The following CSMD3 variants were observed in gnomAD, a reference collection of about 807,000 sequenced individuals.
The protein encoded by CSMD3 is CUB and sushi domain-containing protein 3.
Under a neutral mutation model 435.2 loss-of-function variants are expected in CSMD3, and 177 were observed. The observed-to-expected ratio is 0.41, with a 90% CI of 0.36 to 0.46. CSMD3 has a LOEUF of 0.46. Ranked by LOEUF, CSMD3 falls within the 20% of genes least tolerant of loss-of-function variation. The pLI, the probability that CSMD3 is intolerant of heterozygous loss-of-function variation, is 0.34. For synonymous variants in CSMD3, 1,656 were observed against 1,520.5 expected, an observed-to-expected ratio of 1.09 and a Z score of -2.07; for missense variants, 4,265 against 4,504.6, an observed-to-expected ratio of 0.95 and a Z score of 1.52.
intron 26 of CSMD3, among the ~76,000 whole-genome samples, chr8:112,551,104 C>T (rs1285728739): frequency 6.6e-6 from 1 of 151,926 alleles, no homozygotes; most frequent in Admixed American, 6.6e-5. Context: ...ATTGTAGAAA[C>T]TTCAGGCATA....
At chr8:112,897,694 CTGTGTG>C (rs375797134) in intron 10 of CSMD3, among the ~76,000 whole-genome samples, 13,822 of 90,362 alleles carry the variant, frequency 0.15, 810 homozygotes, top group Middle Eastern at 0.31. Flanking sequence ...CTCTCTCTCT[CTGTGTG>C]TGTGTGTGTG....
At chr8:112,251,908 T>C (rs1815298825) in intron 63 of CSMD3, among the ~76,000 whole-genome samples, 3 of 151,892 alleles carry the variant, frequency 2.0e-5, no homozygotes, top group Admixed American at 6.6e-5. Flanking sequence ...AGTAAAATTA[T>C]TCCAATTTAC....
chr8:112,881,236 T>G (rs2081439803), intron 10 of CSMD3, among the ~76,000 whole-genome samples: 1 of 151,984 alleles, frequency 6.6e-6, no homozygotes, highest in Non-Finnish European at 1.5e-5. Flanking sequence ...AATAAAAGTA[T>G]GGGGTGTCCT....
At chr8:112,868,011 A>G (rs1288107852) in intron 10 of CSMD3, among the ~76,000 whole-genome samples, 1 of 152,132 alleles carries the variant, frequency 6.6e-6, no homozygotes, top group East Asian at 1.9e-4. Flanking sequence ...ACAGCCATAC[A>G]TCATTATTTT....
intron 32 of CSMD3, among the ~76,000 whole-genome samples, chr8:112,467,862 G>A (rs562676769): frequency 6.6e-6 from 1 of 152,218 alleles, no homozygotes; most frequent in East Asian, 1.9e-4. Flanking sequence ...AGCAATGAAG[G>A]ATGCTTCTCT....
chr8:112,242,181 TA>T (rs1814235065), intron 65 of CSMD3, among the ~76,000 whole-genome samples: 1 of 152,064 alleles, frequency 6.6e-6, no homozygotes, highest in African/African-American at 2.4e-5. Context: ...GGTTTACATT[TA>T]AAAATCAAAG....
chr8:112,954,314 A>G (rs2130830526), intron 8 of CSMD3, among the ~76,000 whole-genome samples: 1 of 151,714 alleles, frequency 6.6e-6, no homozygotes. Flanking sequence ...TGTTGAAATT[A>G]AGATATAGTC....
Position 112,302,683 on chromosome 8 carries a change from G to A in CSMD3, c.8267-717C>T, listed in dbSNP as rs574203447. Among the ~76,000 whole-genome samples, 175 of 151,864 alleles carry A rather than the reference G, an allele frequency of 1.2e-3. 1 individual carries two copies. In the Middle Eastern group the frequency reaches 0.017, roughly 15 times the overall value. ...GCTATAGTGTTTTCATTTATGTAAT[G>A]CTCAAAACAACTCTCTAGGTTTTCA... is the stretch of plus-strand genomic sequence containing the variant. On this transcript the variant is annotated intron_variant, in intron 52 of 70. Coordinates refer to ENST00000297405, the MANE Select transcript of CSMD3 (RefSeq NM_198123.2).
intron 30 of CSMD3, among the ~76,000 whole-genome samples, chr8:112,494,556 TTTCTTTCTTTC>T (rs1563615671): frequency 2.2e-5 from 3 of 136,374 alleles, no homozygotes; most frequent in Non-Finnish European, 3.2e-5. Context: ...TCTTTCTTTC[TTTCTTTCTTTC>T]TTTCTTTTCT....
chr8:112,585,526 T>G (rs1007154397), intron 23 of CSMD3, among the ~76,000 whole-genome samples: 1 of 151,590 alleles, frequency 6.6e-6, no homozygotes, highest in East Asian at 1.9e-4. Flanking sequence ...GTGGCTTTAC[T>G]CCAAATAAGT....
chr8:112,531,865 G>A (rs1263465199), intron 27 of CSMD3, among the ~76,000 whole-genome samples: 1 of 152,014 alleles, frequency 6.6e-6, no homozygotes, highest in Non-Finnish European at 1.5e-5. Flanking sequence ...TATGATCTAA[G>A]CAAACAGACT....
chr8:113,163,915 C>T (rs1010403659), intron 4 of CSMD3, among the ~76,000 whole-genome samples: 2 of 151,984 alleles, frequency 1.3e-5, no homozygotes, highest in Admixed American at 1.3e-4. Context: ...GCTAATTTTC[C>T]TCTCATATTA....
intron 27 of CSMD3, among the ~76,000 whole-genome samples, chr8:112,524,013 T>A (rs867245230): frequency 6.6e-6 from 1 of 152,234 alleles, no homozygotes; most frequent in East Asian, 1.9e-4. Flanking sequence ...ATCTCTTTTT[T>A]AAAAATGCAT....
rs146607637 is a variant in CSMD3 at position 112,432,568 on chromosome 8, C to A, written c.5396-23536G>T. ...GCTCAAGTTTTCCTCCTGCCTTGTC[C>A]ACCCAAAGTGTTGGGATTAAAGATG... On this transcript the variant is annotated intron_variant, in intron 32 of 70. Transcript: ENST00000297405. 3.3e-5 allele frequency among the ~76,000 whole-genome samples: 5 copies of A among 152,154 alleles called. No individual in the cohort carries two copies. The South Asian group carries it at 6.2e-4, about 19-fold the overall frequency.
rs372159406 is a variant in CSMD3 at position 112,230,829 on chromosome 8, A to T, written c.10828+716T>A. Among the ~76,000 whole-genome samples the T allele has an allele frequency of 3.0e-4, 45 of 152,306 alleles. No homozygotes were observed. In the South Asian group the frequency reaches 9.3e-3, roughly 32 times the overall value. On this transcript the variant is annotated intron_variant, in intron 69 of 70. Transcript: ENST00000297405. ...CTCTGTCTCAAAAAAGAAAAAAAAA[A>T]AGTTCATTTCTTAAAAGATAAATGT...
intron 10 of CSMD3, among the ~76,000 whole-genome samples, chr8:112,919,291 C>A (rs1456130349): frequency 1.3e-5 from 2 of 151,594 alleles, no homozygotes; most frequent in Non-Finnish European, 2.9e-5. Flanking sequence ...CATTAATATT[C>A]AACAAATAGT....
intron 16 of CSMD3, among the ~76,000 whole-genome samples, chr8:112,680,069 T>C (rs2075853838): frequency 6.6e-6 from 1 of 152,142 alleles, no homozygotes; most frequent in Admixed American, 6.5e-5. Flanking sequence ...TACTAATGTG[T>C]GGCCGTAGGG....
intron 13 of CSMD3, among the ~76,000 whole-genome samples, chr8:112,778,035 A>C (rs1164327420): frequency 6.6e-6 from 1 of 151,892 alleles, no homozygotes; most frequent in African/African-American, 2.4e-5. Context: ...AGTAATGACT[A>C]CTTTTTTAAA....
At chr8:113,245,602 A>G (rs1281096630) in intron 3 of CSMD3, among the ~76,000 whole-genome samples, 1 of 152,064 alleles carries the variant, frequency 6.6e-6, no homozygotes, top group East Asian at 1.9e-4. Context: ...ATGCCCATTA[A>G]CAGAGTTTCT....
Sources: allele counts gnomAD v4.1 joint callset (sites outside exome capture counted in the v4.1 genomes callset), GRCh38; gene constraint gnomAD v4.1.1; transcripts MANE v1.5; gene names NCBI Gene and HGNC (gene_info 2026-07-23, HGNC 2026-07-21).